FBXO22: variants seen among roughly 807,000 people sequenced by gnomAD.
FBXO22 encodes the protein F-box protein 22.
FBXO22 carries 13 observed loss-of-function variants against 37.2 expected under a neutral mutation model. The observed-to-expected ratio is 0.35, with a 90% CI of 0.23 to 0.56. The LOEUF (loss-of-function observed/expected upper bound fraction) is 0.56, where lower values mean the gene tolerates loss of function less well. FBXO22 is among the 20% of genes least tolerant of loss of function. The pLI is 0.87. For synonymous variants in FBXO22, 189 were observed against 189.1 expected (o/e 1.00, Z 0.00); for missense variants, 446 against 509.9 (o/e 0.87, Z 1.21).
intron 6 of FBXO22, among the ~76,000 whole-genome samples, chr15:75,931,666 C>T (rs1013455072): frequency 6.6e-6 from 1 of 152,146 alleles, no homozygotes. Context: ...AAGCATGATA[C>T]AATACTTGTT....
At chr15:75,910,785 A>G (rs750332364) in intron 2 of FBXO22, among the ~76,000 whole-genome samples, 1 of 152,100 alleles carries the variant, frequency 6.6e-6, no homozygotes, top group African/African-American at 2.4e-5. Context: ...CTATTTGTCA[A>G]TTTTGGCTTT....
chr15:75,910,914 T>C (rs1387943248), intron 2 of FBXO22, among the ~76,000 whole-genome samples: 1 of 152,238 alleles, frequency 6.6e-6, no homozygotes, highest in Non-Finnish European at 1.5e-5. Context: ...ATTTAAGTCT[T>C]TAATCCATCT....
At chr15:75,923,229 T>A (rs1900367750) in intron 5 of FBXO22, among the ~76,000 whole-genome samples, 1 of 152,142 alleles carries the variant, frequency 6.6e-6, no homozygotes, top group South Asian at 2.1e-4. Flanking sequence ...GTGATAAAAT[T>A]GCTATATTTG....
At position 75,933,829 on chromosome 15, in the gene FBXO22, C is replaced by A; in HGVS notation, c.*727C>A. The A allele has an allele frequency of 5.2e-6, 1 of 191,608 alleles. No individual in the cohort carries two copies. Among genetic ancestry groups the A allele is most frequent in the South Asian group, 7.3e-5 (1 of 13,732 alleles). The allele number at this position is 191,608 out of a possible 1,614,324, so 11.9% of individuals were successfully genotyped here. A position where few individuals can be genotyped will look rare whatever the true frequency, so the allele number is the denominator to read the frequency against. On this transcript the variant is annotated 3_prime_UTR_variant, in exon 7 of 7. Coordinates refer to ENST00000308275, the MANE Select transcript of FBXO22 (RefSeq NM_147188.3). ...AATAAAACATAGCGTGGAACTCATT[C>A]AGGTAATGTTTTGCATTTCATTGCT... is the stretch of plus-strand genomic sequence containing the variant.
At chr15:75,905,845 T>G (rs1327048273) in intron 2 of FBXO22, among the ~76,000 whole-genome samples, 1 of 152,232 alleles carries the variant, frequency 6.6e-6, no homozygotes, top group Admixed American at 6.5e-5. Flanking sequence ...AGGTGGCATG[T>G]GATTTCCATT....
chr15:75,904,326 TG>T, intron 1 of FBXO22, 164 bp from the exon 2 acceptor site: 1 of 1,156,796 alleles, frequency 8.6e-7, no homozygotes, highest in Non-Finnish European at 1.2e-6. Flanking sequence ...TCTCCATATC[TG>T]GCTCTTCTTC....
At chr15:75,910,348 C>G (rs959758393) in intron 2 of FBXO22, 1 of 152,238 alleles carries the variant, frequency 6.6e-6, no homozygotes, top group Non-Finnish European at 1.5e-5. Context: ...ACCACACTGT[C>G]TTCCACAATG....
rs1567056626 is a variant in FBXO22, at chr15:75,929,866, C to T, written c.629-18C>T. ...GTTTTAAGGCTGTCTTTAACTGTTGCTCTTCATTTCTCTGCAGGTCTTTTA... is the reference window on the plus strand; with the variant it reads ...GTTTTAAGGCTGTCTTTAACTGTTGTTCTTCATTTCTCTGCAGGTCTTTTA... On this transcript the variant is annotated intron_variant, in intron 5 of 6. Coordinates refer to ENST00000308275, the MANE Select transcript of FBXO22 (RefSeq NM_147188.3). The T allele has an allele frequency of 6.2e-7, 1 of 1,613,514 alleles. No homozygotes were observed. The highest frequency in any genetic ancestry group is 1.7e-5 in the Admixed American group (1 of 59,950).
rs1267272491 is a variant in FBXO22, at chr15:75,934,349, G to A, written c.*1247G>A. On this transcript the variant is annotated 3_prime_UTR_variant, in exon 7 of 7. Transcript: ENST00000308275. Reference sequence around the variant, plus strand: ...ATTGAAGAAACACCATAAGTGGCGTGGACTATCTACCTCCAGACTGTTTTA... The same window carrying A: ...ATTGAAGAAACACCATAAGTGGCGTAGACTATCTACCTCCAGACTGTTTTA... The A allele has an allele frequency of 6.6e-6, 1 of 152,090 alleles. No individual in the cohort carries two copies. Among genetic ancestry groups the A allele is most frequent in the Non-Finnish European group, 1.5e-5 (1 of 68,036 alleles). 9.4% of individuals were successfully genotyped at this position (152,090 alleles called of 1,614,324 possible). A position where few individuals can be genotyped will look rare whatever the true frequency, so the allele number is the denominator to read the frequency against.
chr15:75,917,217 A>T lies in FBXO22; in HGVS notation c.464-13A>T. On this transcript the variant is annotated splice_polypyrimidine_tract_variant and intron_variant, in intron 4 of 6. Transcript: ENST00000308275. ...CTGACTCTATTGGTGAAACTGTTTAACTTTTTCTCTAGTGACTCCAATGGG... is the reference window on the plus strand; with the variant it reads ...CTGACTCTATTGGTGAAACTGTTTATCTTTTTCTCTAGTGACTCCAATGGG... 1 of 1,599,308 alleles carries T rather than the reference A, an allele frequency of 6.3e-7. No individual in the cohort carries two copies. The highest frequency in any genetic ancestry group is 8.5e-7 in the Non-Finnish European group (1 of 1,174,716).
rs1382779406 is a variant in FBXO22, at chr15:75,940,746, T to C, written c.*7644T>C. 6.7e-6 allele frequency: 1 copy of C among 149,054 alleles called. No individual in the cohort carries two copies. The highest frequency in any genetic ancestry group is 2.5e-5 in the African/African-American group (1 of 40,458). 9.2% of individuals were successfully genotyped at this position (149,054 alleles called of 1,614,324 possible). A position where few individuals can be genotyped will look rare whatever the true frequency, so the allele number is the denominator to read the frequency against. On this transcript the variant is annotated 3_prime_UTR_variant, in exon 7 of 7. Transcript: ENST00000308275. ...CAAGGCTATTCCAAGGATAGTTTTT[T>C]CAACAAATAATGATGGGAAAGCTGG...
At chr15:75,921,761 AT>A (rs534871080) in intron 5 of FBXO22, among the ~76,000 whole-genome samples, 10 of 150,640 alleles carry the variant, frequency 6.6e-5, no homozygotes, top group East Asian at 1.9e-4. Context: ...TCCACCTTTA[AT>A]TTTTTTTTTA....
chr15:75,934,159 C>T lies in FBXO22; in HGVS notation c.*1057C>T, dbSNP rs140537639. On this transcript the variant is annotated 3_prime_UTR_variant, in exon 7 of 7. Coordinates refer to ENST00000308275, the MANE Select transcript of FBXO22 (RefSeq NM_147188.3). ...CTGGACAATGGAATGTGAGGGGAAA[C>T]GATTTTTTGTGTCCTTAAAATGGCA... is the stretch of plus-strand genomic sequence containing the variant. 6.2e-4 allele frequency: 95 copies of T among 152,320 alleles called. 1 individual carries two copies. Among genetic ancestry groups the T allele is most frequent in the African/African-American group, 2.2e-3 (93 of 41,572 alleles). The allele number at this position is 152,320 out of a possible 1,614,324, so 9.4% of individuals were successfully genotyped here. A position where few individuals can be genotyped will look rare whatever the true frequency, so the allele number is the denominator to read the frequency against.
rs2030611048 is a variant in FBXO22 at position 75,938,592 on chromosome 15, A to C, written c.*5490A>C. On this transcript the variant is annotated 3_prime_UTR_variant, in exon 7 of 7. Transcript: ENST00000308275. Reference sequence around the variant, plus strand: ...CAGAATATCAACAGATAGGCATTATAAAAAAATTCTGGCAGAGAAAAGTAT... The same window carrying C: ...CAGAATATCAACAGATAGGCATTATCAAAAAATTCTGGCAGAGAAAAGTAT... 1 of 152,228 alleles carries C rather than the reference A, an allele frequency of 6.6e-6. No individual in the cohort carries two copies. The highest frequency in any genetic ancestry group is 2.1e-4 in the South Asian group (1 of 4,830). 9.4% of individuals were successfully genotyped at this position (152,228 alleles called of 1,614,324 possible).
At position 75,937,644 on chromosome 15, in the gene FBXO22, A is replaced by G. The variant is rs538773691; in HGVS notation, c.*4542A>G. ...TGGTAGGAAAATATTGTGACTTTTT[A>G]GTGGCTCTTGCCCGAGCCTCTCCCT... On this transcript the variant is annotated 3_prime_UTR_variant, in exon 7 of 7. Transcript: ENST00000308275. The G allele has an allele frequency of 7.1e-6, 1 of 141,496 alleles. No individual in the cohort carries two copies. Among genetic ancestry groups the G allele is most frequent in the East Asian group, 2.0e-4 (1 of 4,898 alleles). The allele number at this position is 141,496 out of a possible 1,614,324, so 8.8% of individuals were successfully genotyped here. A position where few individuals can be genotyped will look rare whatever the true frequency, so the allele number is the denominator to read the frequency against.
chr15:75,921,592 C>G (rs923326940), intron 5 of FBXO22, among the ~76,000 whole-genome samples: 1 of 151,890 alleles, frequency 6.6e-6, no homozygotes, highest in Non-Finnish European at 1.5e-5. Context: ...ACCTGGGAGG[C>G]AGAGGTTGTA....
Position 75,941,612 on chromosome 15 carries a change from T to C in FBXO22, c.*8510T>C, listed in dbSNP as rs1646545182. The C allele has an allele frequency of 6.6e-6, 1 of 152,204 alleles. No individual in the cohort carries two copies. Among genetic ancestry groups the C allele is most frequent in the Admixed American group, 6.5e-5 (1 of 15,284 alleles). The allele number at this position is 152,204 out of a possible 1,614,324, so 9.4% of individuals were successfully genotyped here. ...GCCATAAAAAGGAAATCCTTCTACA[T>C]ACTACATCATGGATGAACCTTTCAG... On this transcript the variant is annotated 3_prime_UTR_variant, in exon 7 of 7. Coordinates refer to ENST00000308275, the MANE Select transcript of FBXO22 (RefSeq NM_147188.3).
At chr15:75,918,545 A>G (rs1900242507) in intron 5 of FBXO22, among the ~76,000 whole-genome samples, 1 of 152,228 alleles carries the variant, frequency 6.6e-6, no homozygotes, top group Admixed American at 6.5e-5. Flanking sequence ...TTGAAGAGAT[A>G]TCTGCACTCC....
At chr15:75,919,936 T>C (rs1003268961) in intron 5 of FBXO22, among the ~76,000 whole-genome samples, 1 of 152,210 alleles carries the variant, frequency 6.6e-6, no homozygotes, top group Non-Finnish European at 1.5e-5. Context: ...GAATTCTTTA[T>C]GGAATATTTT....
Sources: gnomAD v4.1 joint callset for allele counts (sites outside exome capture counted in the v4.1 genomes callset) on GRCh38, gnomAD v4.1.1 for gene constraint, MANE v1.5 for transcripts, NCBI Gene and HGNC (gene_info 2026-07-23, HGNC 2026-07-21) for gene names.